The following GRB14 variants were observed in gnomAD, a reference collection of about 807,000 sequenced individuals.
GRB14 encodes the protein growth factor receptor-bound protein 14.
A neutral mutation model predicts 69.1 loss-of-function variants in GRB14; 38 were observed. The observed-to-expected ratio is 0.55, with a 90% confidence interval of 0.42 to 0.72. The LOEUF (loss-of-function observed/expected upper bound fraction) is 0.72. Among genes scored for constraint, GRB14 ranks in the 30% least tolerant of loss-of-function variants. The probability of loss-of-function intolerance (pLI) is 0.00; values close to 1 mark genes in which losing one functional copy is unlikely to be tolerated. For synonymous variants in GRB14, 247 were observed against 241.3 expected, an observed-to-expected ratio of 1.02 and a Z score of -0.22; for missense variants, 666 against 666.1, an observed-to-expected ratio of 1.00 and a Z score of 0.00.
At chr2:164,590,373 T>C (rs565169748) in intron 2 of GRB14, among the ~76,000 whole-genome samples, 1 of 152,246 alleles carries the variant, frequency 6.6e-6, no homozygotes, top group South Asian at 2.1e-4. Context: ...GAAAAAAAAG[T>C]TAGTTGTCTC....
At chr2:164,540,794 G>A (rs898619490) in intron 3 of GRB14, among the ~76,000 whole-genome samples, 14 of 152,198 alleles carry the variant, frequency 9.2e-5, no homozygotes, top group African/African-American at 2.6e-4. Context: ...TGTCTGTTTT[G>A]CTCATACTGC....
chr2:164,530,248 A>G (rs1687889834), intron 3 of GRB14, among the ~76,000 whole-genome samples: 1 of 152,118 alleles, frequency 6.6e-6, no homozygotes, highest in Non-Finnish European at 1.5e-5. Context: ...ACGGCAAGAG[A>G]CAGCAATAGA....
Position 164,547,807 on chromosome 2 carries a change from C to T in GRB14, c.334G>A (p.Val112Ile), listed in dbSNP as rs771953822. ...ANSRKKQVIK[V>I]YSEDETSRAL... ...CTGCTGGTTTCATCTTCACTGTATACTTTAATCACCTGTGTAGGTAGAAAC... is the reference window on the plus strand; with the variant it reads ...CTGCTGGTTTCATCTTCACTGTATATTTTAATCACCTGTGTAGGTAGAAAC... Residue 112 changes from valine (V) to isoleucine (I), a missense_variant, in exon 3 of 14, where the codon GTA becomes ATA. Physicochemically the swap from Val to Ile is conservative, Grantham distance 29. Transcript: ENST00000263915. 3.4e-5 allele frequency: 55 copies of T among 1,608,902 alleles called. No individual in the cohort carries two copies. The highest frequency in any genetic ancestry group is 4.2e-5 in the Non-Finnish European group (49 of 1,177,082).
intron 3 of GRB14, among the ~76,000 whole-genome samples, chr2:164,529,472 T>C (rs1574275673): frequency 1.3e-5 from 2 of 152,232 alleles, no homozygotes; most frequent in East Asian, 1.9e-4. Flanking sequence ...CCCTTTCAAA[T>C]GACTTTTTCT....
intron 8 of GRB14, among the ~76,000 whole-genome samples, chr2:164,503,039 C>T (rs1280914554): frequency 2.0e-5 from 3 of 151,848 alleles, no homozygotes; most frequent in African/African-American, 2.4e-5. Context: ...ATTGGAAAAC[C>T]GGTCTGGATT....
intron 4 of GRB14, among the ~76,000 whole-genome samples, chr2:164,525,947 G>C (rs1302080627): frequency 1.3e-5 from 2 of 151,870 alleles, no homozygotes; most frequent in Non-Finnish European, 2.9e-5. Flanking sequence ...AAGAACCACT[G>C]CAATAGGTCT....
chr2:164,603,758 T>G (rs1380977536), intron 2 of GRB14, among the ~76,000 whole-genome samples: 2 of 151,930 alleles, frequency 1.3e-5, no homozygotes, highest in African/African-American at 4.8e-5. Context: ...CAAAACTAGA[T>G]TTAACTAAAT....
intron 2 of GRB14, among the ~76,000 whole-genome samples, chr2:164,595,195 G>A (rs1193800582): frequency 6.6e-6 from 1 of 152,174 alleles, no homozygotes; most frequent in African/African-American, 2.4e-5. Flanking sequence ...TAGTCAAATG[G>A]ACATTAAGAA....
At chr2:164,495,680 G>A (rs1480516582) in intron 12 of GRB14, among the ~76,000 whole-genome samples, 1 of 152,202 alleles carries the variant, frequency 6.6e-6, no homozygotes, top group Non-Finnish European at 1.5e-5. Context: ...ACAGATGTCT[G>A]ACGAGTTTAT....
intron 2 of GRB14, among the ~76,000 whole-genome samples, chr2:164,592,432 C>G (rs955523361): frequency 6.6e-6 from 1 of 152,138 alleles, no homozygotes; most frequent in Non-Finnish European, 1.5e-5. Context: ...CCATGCCCAG[C>G]GAGTCATGGG....
At position 164,508,686 on chromosome 2, in the gene GRB14, C is replaced by T. The variant is rs1417219320; in HGVS notation, c.927+56G>A. ...CAAAAGCAATTAAAGGAAACTCAAGCTTACCTAAAAGGCTGAGGCTTGCTT... is the reference window on the plus strand; with the variant it reads ...CAAAAGCAATTAAAGGAAACTCAAGTTTACCTAAAAGGCTGAGGCTTGCTT... On this transcript the variant is annotated intron_variant, in intron 7 of 13. Coordinates refer to ENST00000263915, the MANE Select transcript of GRB14 (RefSeq NM_004490.3). The T allele has an allele frequency of 2.0e-6, 3 of 1,476,830 alleles. No homozygotes were observed. In the African/African-American group the frequency reaches 4.2e-5, roughly 21 times the overall value. The allele number at this position is 1,476,830 out of a possible 1,614,324, so 91.5% of individuals were successfully genotyped here.
chr2:164,620,084 C>T lies in GRB14; in HGVS notation c.192-265G>A, dbSNP rs1474571777. On this transcript the variant is annotated intron_variant, in intron 1 of 13. Transcript: ENST00000263915. ...TCTCCCCTCCCACCACCCCTCCCCC[C>T]CCCACCGCCTTCTCTCTCTCTTGCC... 8 of 241,854 alleles carry T rather than the reference C, an allele frequency of 3.3e-5. No individual in the cohort carries two copies. The South Asian group carries it at 7.5e-4, about 23-fold the overall frequency. The allele number at this position is 241,854 out of a possible 1,614,324, so 15.0% of individuals were successfully genotyped here.
At chr2:164,593,081 A>C (rs1689705521) in intron 2 of GRB14, among the ~76,000 whole-genome samples, 1 of 152,240 alleles carries the variant, frequency 6.6e-6, no homozygotes, top group Non-Finnish European at 1.5e-5. Context: ...GAAACCATTA[A>C]GCCAAAAGGC....
chr2:164,610,241 T>C (rs555517133), intron 2 of GRB14, among the ~76,000 whole-genome samples: 2 of 152,330 alleles, frequency 1.3e-5, no homozygotes, highest in South Asian at 4.1e-4. Flanking sequence ...TGCTAGCATA[T>C]ACCTCTTGCT....
At chr2:164,508,075 T>C (rs1232477406) in intron 8 of GRB14, among the ~76,000 whole-genome samples, 1 of 152,216 alleles carries the variant, frequency 6.6e-6, no homozygotes, top group African/African-American at 2.4e-5. Flanking sequence ...TTACATTAAA[T>C]ATCTCAAGGG....
intron 2 of GRB14, among the ~76,000 whole-genome samples, chr2:164,594,225 A>T (rs1162007744): frequency 1.3e-5 from 2 of 152,206 alleles, no homozygotes; most frequent in Non-Finnish European, 2.9e-5. Flanking sequence ...CTCAACAAAA[A>T]AAAGGGTTAC....
At chr2:164,504,438 G>A (rs1410904758) in intron 8 of GRB14, among the ~76,000 whole-genome samples, 1 of 152,088 alleles carries the variant, frequency 6.6e-6, no homozygotes, top group Non-Finnish European at 1.5e-5. Context: ...CCAACAGGAG[G>A]AGCCCTGCTG....
At chr2:164,577,097 T>C (rs1477783828) in intron 2 of GRB14, among the ~76,000 whole-genome samples, 2 of 152,216 alleles carry the variant, frequency 1.3e-5, no homozygotes, top group African/African-American at 2.4e-5. Context: ...TTAATTGCTA[T>C]AGAAGAAAGA....
intron 4 of GRB14, 56 bp downstream of exon 4, chr2:164,526,958 A>T: frequency 3.0e-6 from 4 of 1,328,754 alleles, no homozygotes; most frequent in Non-Finnish European, 4.1e-6. Context: ...TCTTCTTCAC[A>T]TAAAATTTAA....
Sources: gnomAD v4.1 joint callset for allele counts (sites outside exome capture counted in the v4.1 genomes callset) on GRCh38, gnomAD v4.1.1 for gene constraint, MANE v1.5 for transcripts, NCBI Gene and HGNC (gene_info 2026-07-23, HGNC 2026-07-21) for gene names.